The following STAB2 variants were observed in gnomAD, a reference collection of about 807,000 sequenced individuals.
STAB2 encodes stabilin-2.
STAB2 carries 288 observed loss-of-function variants against 338.1 expected under a neutral mutation model. The ratio of observed to expected loss-of-function variants is 0.85; its 90% CI spans 0.77 to 0.94. The LOEUF is 0.94. Among genes scored for constraint, STAB2 ranks in the 40% least tolerant of loss-of-function variants. STAB2 has a pLI of 0.00. For synonymous variants in STAB2, 1,202 were observed against 1,193.3 expected, an observed-to-expected ratio of 1.01 and a Z score of -0.15; for missense variants, 3,141 against 3,210.1, an observed-to-expected ratio of 0.98 and a Z score of 0.52.
At chr12:103,690,735 C>T (rs1877865425) in intron 30 of STAB2, among the ~76,000 whole-genome samples, 197 bp downstream of exon 30, 1 of 152,222 alleles carries the variant, frequency 6.6e-6, no homozygotes, top group Admixed American at 6.5e-5. Flanking sequence ...TACCCTATAG[C>T]AGTGATCCTC....
At chr12:103,722,822 T>C (rs1315919809) in intron 44 of STAB2, among the ~76,000 whole-genome samples, 1 of 152,082 alleles carries the variant, frequency 6.6e-6, no homozygotes. Flanking sequence ...AGGAAACCAC[T>C]CCTGAAGGAG....
In STAB2 at chr12:103,679,973, C is replaced by G. The variant is rs1020466249; in HGVS notation, c.2805+2362C>G. On this transcript the variant is annotated intron_variant, in intron 25 of 68. Coordinates refer to ENST00000388887, the MANE Select transcript of STAB2 (RefSeq NM_017564.10). ...AAAAGGAAGAAAATGCTGACACATG[C>G]TGCAACATGGGTGAACCTTGAAGCT... Among the ~76,000 whole-genome samples the G allele has an allele frequency of 4.6e-5, 7 of 152,330 alleles. No individual in the cohort carries two copies. The East Asian group carries it at 1.4e-3, about 29-fold the overall frequency.
chr12:103,676,278 G>C (rs964624954), intron 24 of STAB2, among the ~76,000 whole-genome samples: 10 of 151,742 alleles, frequency 6.6e-5, no homozygotes, highest in East Asian at 5.8e-4. Context: ...AGGCTGGTCT[G>C]AAACTCCTGA....
intron 59 of STAB2, among the ~76,000 whole-genome samples, chr12:103,750,249 G>C (rs990021120): frequency 1.3e-5 from 2 of 152,218 alleles, no homozygotes; most frequent in Non-Finnish European, 2.9e-5. Flanking sequence ...AGAAACAAAT[G>C]CATGGAATTT....
At chr12:103,597,645 A>G (rs779198328) in intron 3 of STAB2, among the ~76,000 whole-genome samples, 4 of 152,252 alleles carry the variant, frequency 2.6e-5, no homozygotes, top group Non-Finnish European at 5.9e-5. Flanking sequence ...TAAAATTTAT[A>G]CTACTTTATC....
chr12:103,597,304 C>G (rs953563227), intron 3 of STAB2, among the ~76,000 whole-genome samples: 1 of 152,208 alleles, frequency 6.6e-6, no homozygotes, highest in South Asian at 2.1e-4. Context: ...GTGGGTCTAT[C>G]CTTCTTTCTG....
In STAB2 at chr12:103,632,288, A is replaced by T. The variant is rs551774671; in HGVS notation, c.583+595A>T. Among the ~76,000 whole-genome samples the T allele has an allele frequency of 2.0e-5, 3 of 152,360 alleles. No individual in the cohort carries two copies. The South Asian group carries it at 6.2e-4, about 32-fold the overall frequency. ...TAATAGGGATAATTAGTACGCTATGATAGGAGAGCAGCTGTAAAAATGCAA... is the reference window on the plus strand; with the variant it reads ...TAATAGGGATAATTAGTACGCTATGTTAGGAGAGCAGCTGTAAAAATGCAA... On this transcript the variant is annotated intron_variant, in intron 6 of 68. Transcript: ENST00000388887.
chr12:103,637,236 C>A lies in STAB2; in HGVS notation c.709C>A (p.Pro237Thr). 2 of 1,608,870 alleles carry A rather than the reference C, an allele frequency of 1.2e-6. No individual in the cohort carries two copies. Among genetic ancestry groups the A allele is most frequent in the South Asian group, 1.1e-5 (1 of 90,036 alleles). Residue 237 changes from proline (P) to threonine (T), a missense_variant and splice_region_variant, in exon 7 of 69, where the codon CCC (proline) becomes ACC (threonine). Physicochemically the swap from Pro to Thr is conservative, Grantham distance 38 (BLOSUM62 -1). Coordinates refer to ENST00000388887, the MANE Select transcript of STAB2 (RefSeq NM_017564.10). The stretch of plus-strand genomic sequence containing the variant: ...CCGAGGCGATGGCAAATACTGCGAC[C>A]GTGAGTAGAATTTAGATTCTGCTAG... ...NYRGDGKYCDPINPCLRKICH... is the reference protein window; with the variant it reads ...NYRGDGKYCDTINPCLRKICH...
chr12:103,666,219 C>A, intron 18 of STAB2, 72 bp from the exon 19 acceptor site: 1 of 1,483,898 alleles, frequency 6.7e-7, no homozygotes, highest in South Asian at 1.1e-5. Context: ...AAGCATGAAA[C>A]CAGCCACAGG....
Position 103,648,790 on chromosome 12 carries a change from C to G in STAB2, c.1141C>G (p.Gln381Glu). 6.2e-7 allele frequency: 1 copy of G among 1,614,056 alleles called. No homozygotes were observed. Among genetic ancestry groups the G allele is most frequent in the South Asian group, 1.1e-5 (1 of 91,066 alleles). ...AAATACTGAACCCAGAGGAAAATGG[C>G]AAGGAAGGCTGACCTCTTTCATCTC... ...ELNTEPRGKW[Q>E]GRLTSFISLL... The change falls in exon 10 of 69, where the codon CAA (glutamine) becomes GAA (glutamate). Residue 381 changes from glutamine (Q) to glutamate (E), a missense_variant. Coordinates refer to ENST00000388887, the MANE Select transcript of STAB2 (RefSeq NM_017564.10).
chr12:103,750,464 G>C, intron 59 of STAB2, 115 bp from the exon 60 acceptor site: 1 of 1,356,198 alleles, frequency 7.4e-7, no homozygotes, highest in Non-Finnish European at 1.0e-6. Context: ...GGAAAGGCAC[G>C]TTCTCTTGGT....
At chr12:103,742,618 C>G in intron 56 of STAB2, 64 bp downstream of exon 56, 1 of 1,603,716 alleles carries the variant, frequency 6.2e-7, no homozygotes, top group Non-Finnish European at 8.5e-7. Context: ...TGTCCTTGTT[C>G]ATGCCATCTG....
intron 51 of STAB2, among the ~76,000 whole-genome samples, chr12:103,734,146 G>A (rs993028704): frequency 6.9e-6 from 1 of 145,496 alleles, no homozygotes; most frequent in African/African-American, 2.6e-5. Flanking sequence ...GATCATATGG[G>A]AGCATGCACA....
intron 63 of STAB2, among the ~76,000 whole-genome samples, chr12:103,757,706 G>A (rs1397552384): frequency 6.6e-6 from 1 of 152,218 alleles, no homozygotes; most frequent in Non-Finnish European, 1.5e-5. Flanking sequence ...GCAGGAGCGT[G>A]CCAGGCAAGT....
Position 103,670,856 on chromosome 12 carries a change from C to G in STAB2, c.2371+49C>G, listed in dbSNP as rs538908808. 2.0e-6 allele frequency: 3 copies of G among 1,507,928 alleles called. No individual in the cohort carries two copies. The South Asian group carries it at 3.5e-5, about 18-fold the overall frequency. The allele number at this position is 1,507,928 out of a possible 1,614,324, so 93.4% of individuals were successfully genotyped here. On this transcript the variant is annotated intron_variant, in intron 22 of 68. Coordinates refer to ENST00000388887, the MANE Select transcript of STAB2 (RefSeq NM_017564.10). Reference sequence around the variant, plus strand: ...CTTCCACTCCTAAGCAAGGTTCCCTCTCGTGCTGCAGCAGGGTGCTGGTGC... The same window carrying G: ...CTTCCACTCCTAAGCAAGGTTCCCTGTCGTGCTGCAGCAGGGTGCTGGTGC...
Position 103,623,374 on chromosome 12 carries a change from A to G in STAB2, c.487+1263A>G, listed in dbSNP as rs116845000. The stretch of plus-strand genomic sequence containing the variant: ...GCAAAGAGAAGTTAAGGTAGCAAAT[A>G]GAATTAAGGTTGCTAATCAGCTGAC... On this transcript the variant is annotated intron_variant, in intron 5 of 68. Transcript: ENST00000388887. Among the ~76,000 whole-genome samples the G allele has an allele frequency of 7.5e-3, 1,144 of 152,324 alleles. 7 individuals are homozygous for G. The highest frequency in any genetic ancestry group is 0.017 in the Middle Eastern group (5 of 294).
At position 103,666,202 on chromosome 12, in the gene STAB2, G is replaced by A. The variant is rs867546397; in HGVS notation, c.2023-89G>A. On this transcript the variant is annotated intron_variant, in intron 18 of 68. Coordinates refer to ENST00000388887, the MANE Select transcript of STAB2 (RefSeq NM_017564.10). ...ATGGCTCAGTGGGGTTTCCTTCACAGGGAGGGAAGCATGAAACCAGCCACA... is the reference window on the plus strand; with the variant it reads ...ATGGCTCAGTGGGGTTTCCTTCACAAGGAGGGAAGCATGAAACCAGCCACA... The A allele has an allele frequency of 3.8e-6, 5 of 1,306,788 alleles. No individual in the cohort carries two copies. In the Admixed American group the frequency reaches 5.1e-5, roughly 13 times the overall value. The allele number at this position is 1,306,788 out of a possible 1,614,324, so 80.9% of individuals were successfully genotyped here.
At chr12:103,673,325 G>A (rs1425194920) in intron 22 of STAB2, among the ~76,000 whole-genome samples, 2 of 151,878 alleles carry the variant, frequency 1.3e-5, no homozygotes, top group African/African-American at 4.8e-5. Flanking sequence ...TAGATAAAAA[G>A]GAGTTCTTTT....
In STAB2 at chr12:103,699,236, C is replaced by G. The variant is rs758462711; in HGVS notation, c.3714+9C>G. On this transcript the variant is annotated intron_variant, in intron 34 of 68. Transcript: ENST00000388887. ...TTCTCCATAATGACCAGGTACGATC[C>G]TTTTATGTAAAACCCCAGCAATGCC... 6.2e-7 allele frequency: 1 copy of G among 1,605,304 alleles called. No homozygotes were observed. Among genetic ancestry groups the G allele is most frequent in the South Asian group, 1.1e-5 (1 of 90,632 alleles).
Sources: gnomAD v4.1 joint callset for allele counts (sites outside exome capture counted in the v4.1 genomes callset) on GRCh38, gnomAD v4.1.1 for gene constraint, MANE v1.5 for transcripts, NCBI Gene and HGNC (gene_info 2026-07-23, HGNC 2026-07-21) for gene names.